IL15: variants seen among roughly 807,000 people sequenced by gnomAD.
IL15 encodes interleukin-15.
IL15 carries 11 observed loss-of-function variants against 19.6 expected under a neutral mutation model. That is an observed-to-expected ratio of 0.56 (90% CI 0.35 to 0.93). The LOEUF is 0.93. IL15 is among the 40% of genes least tolerant of loss of function. The pLI is 0.01. For synonymous variants in IL15, 58 were observed against 59.6 expected (o/e 0.97, Z 0.12); for missense variants, 197 against 186.5 (o/e 1.06, Z -0.33).
intron 5 of IL15, among the ~76,000 whole-genome samples, chr4:141,724,881 TAAC>T (rs757343555): frequency 6.6e-6 from 1 of 152,126 alleles, no homozygotes; most frequent in Non-Finnish European, 1.5e-5. Context: ...ACAGAAGCAT[TAAC>T]AACAATTGTA....
chr4:141,665,343 C>T (rs561269080), intron 2 of IL15, among the ~76,000 whole-genome samples: 7 of 152,138 alleles, frequency 4.6e-5, no homozygotes, highest in Non-Finnish European at 1.0e-4. Context: ...CTTCAAACTG[C>T]CCTCTTTTTA....
At chr4:141,673,062 G>A (rs1041993430) in intron 2 of IL15, among the ~76,000 whole-genome samples, 3 of 152,144 alleles carry the variant, frequency 2.0e-5, no homozygotes, top group Admixed American at 6.5e-5. Context: ...AAGGAGAGGC[G>A]TGATGCTGAC....
rs563737796 is a variant in IL15, at chr4:141,721,281, C to T, written c.111-643C>T. ...TTTCCTCAAGCTCTAAGCATCATTC[C>T]AATGTTACTTGGTCAGTATAAGTGT... On this transcript the variant is annotated intron_variant, in intron 4 of 7. Transcript: ENST00000320650. The T allele has an allele frequency of 2.4e-4, 168 of 692,328 alleles. No homozygotes were observed. The African/African-American group carries it at 2.7e-3, about 11-fold the overall frequency. 42.9% of individuals were successfully genotyped at this position (692,328 alleles called of 1,614,324 possible).
chr4:141,723,819 A>G (rs1194604697), intron 5 of IL15, among the ~76,000 whole-genome samples: 2 of 152,192 alleles, frequency 1.3e-5, no homozygotes, highest in Non-Finnish European at 2.9e-5. Flanking sequence ...TATACACATC[A>G]AACAACGAAG....
chr4:141,638,613 A>C (rs1165792870), intron 1 of IL15, among the ~76,000 whole-genome samples: 2 of 152,228 alleles, frequency 1.3e-5, no homozygotes, highest in African/African-American at 4.8e-5. Context: ...GCCAATGTCA[A>C]CAGCTATATT....
At chr4:141,712,382 C>A (rs1729741692) in intron 2 of IL15, among the ~76,000 whole-genome samples, 1 of 151,982 alleles carries the variant, frequency 6.6e-6, no homozygotes, top group Admixed American at 6.6e-5. Flanking sequence ...GAGAATTATA[C>A]TAGCTGGGAT....
intron 2 of IL15, among the ~76,000 whole-genome samples, chr4:141,707,571 A>G (rs10028670): frequency 0.8 from 121,672 of 152,158 alleles, 49,253 homozygotes; most frequent in East Asian, 0.99. Flanking sequence ...CTGTAGATAA[A>G]TCCTAGGGTA....
intron 6 of IL15, 91 bp from the exon 7 acceptor site, chr4:141,729,756 T>C (rs527245789): frequency 1.4e-6 from 1 of 720,814 alleles, no homozygotes. Context: ...TTATAAAATA[T>C]TTGGATTGAC....
At chr4:141,677,868 T>C (rs1427027192) in intron 2 of IL15, among the ~76,000 whole-genome samples, 1 of 152,208 alleles carries the variant, frequency 6.6e-6, no homozygotes, top group Non-Finnish European at 1.5e-5. Context: ...CGTTGTCACA[T>C]GCACAGTTAG....
chr4:141,699,747 C>A (rs1265071319), intron 2 of IL15, among the ~76,000 whole-genome samples: 1 of 152,120 alleles, frequency 6.6e-6, no homozygotes, highest in Non-Finnish European at 1.5e-5. Context: ...TTGAAGACAA[C>A]AGATATTTGG....
intron 2 of IL15, among the ~76,000 whole-genome samples, chr4:141,697,437 A>G (rs1012605313): frequency 3.3e-5 from 5 of 151,760 alleles, no homozygotes; most frequent in Admixed American, 2.6e-4. Flanking sequence ...TTGAAGTCAG[A>G]TAATGTGATG....
chr4:141,644,830 A>G (rs1727173422), intron 1 of IL15, among the ~76,000 whole-genome samples: 1 of 152,182 alleles, frequency 6.6e-6, no homozygotes, highest in Non-Finnish European at 1.5e-5. Context: ...AACAGTTGCT[A>G]GTCCATAGCA....
chr4:141,645,519 C>T (rs767498844), intron 1 of IL15, among the ~76,000 whole-genome samples: 1 of 152,120 alleles, frequency 6.6e-6, no homozygotes, highest in Non-Finnish European at 1.5e-5. Flanking sequence ...TGAACTATTT[C>T]GTCACTGCAT....
chr4:141,678,840 T>C (rs1398167067), intron 2 of IL15, among the ~76,000 whole-genome samples: 1 of 152,196 alleles, frequency 6.6e-6, no homozygotes, highest in South Asian at 2.1e-4. Context: ...GACCTTGTGA[T>C]CCGCCTGCCC....
chr4:141,666,911 C>T (rs1219448738), intron 2 of IL15, among the ~76,000 whole-genome samples: 1 of 152,230 alleles, frequency 6.6e-6, no homozygotes, highest in East Asian at 1.9e-4. Context: ...TTAGGTCATA[C>T]TCTCTTTGTC....
intron 2 of IL15, among the ~76,000 whole-genome samples, chr4:141,671,973 T>C (rs1156445829): frequency 1.3e-5 from 2 of 152,236 alleles, no homozygotes; most frequent in Non-Finnish European, 2.9e-5. Context: ...ATTTCCCATT[T>C]GGTAAAGTAT....
intron 1 of IL15, among the ~76,000 whole-genome samples, chr4:141,639,649 TG>T (rs1356655365): frequency 6.6e-6 from 1 of 152,188 alleles, no homozygotes; most frequent in Non-Finnish European, 1.5e-5. Context: ...CAACTGGAGA[TG>T]ATATAGTTAA....
At chr4:141,676,793 G>T (rs1418094342) in intron 2 of IL15, among the ~76,000 whole-genome samples, 3 of 151,908 alleles carry the variant, frequency 2.0e-5, no homozygotes, top group Admixed American at 2.0e-4. Flanking sequence ...AAAAAAGATG[G>T]GGTAAAGGAT....
chr4:141,713,852 C>G (rs1729787043), intron 2 of IL15, among the ~76,000 whole-genome samples: 1 of 152,054 alleles, frequency 6.6e-6, no homozygotes, highest in Non-Finnish European at 1.5e-5. Flanking sequence ...ATCCCTTGCC[C>G]CTCTCTTCCT....
Sources: gnomAD v4.1 joint callset for allele counts (sites outside exome capture counted in the v4.1 genomes callset) on GRCh38, gnomAD v4.1.1 for gene constraint, MANE v1.5 for transcripts, NCBI Gene and HGNC (gene_info 2026-07-23, HGNC 2026-07-21) for gene names.